Variants in CAMKMT observed in about 807,000 individuals in gnomAD.
CAMKMT encodes CaM KMT.
CAMKMT carries 53 observed loss-of-function variants against 48.0 expected under a neutral mutation model. The ratio of observed to expected loss-of-function variants is 1.10; its 90% CI spans 0.89 to 1.39. CAMKMT has a LOEUF of 1.39. CAMKMT is among the 40% of genes most tolerant of loss of function. The pLI is 0.00. For missense variants in CAMKMT, 428 were observed against 402.7 expected (o/e 1.06, Z -0.54); for synonymous variants, 165 against 152.3 (o/e 1.08, Z -0.61).
intron 3 of CAMKMT, among the ~76,000 whole-genome samples, chr2:44,617,082 T>C (rs956116953): frequency 1.8e-4 from 28 of 152,152 alleles, no homozygotes; most frequent in Non-Finnish European, 3.7e-4. Context: ...ATTAGTGCCT[T>C]ACAAAATAAA....
intron 7 of CAMKMT, among the ~76,000 whole-genome samples, chr2:44,729,616 G>T (rs1470487329): frequency 6.6e-6 from 1 of 152,194 alleles, no homozygotes; most frequent in African/African-American, 2.4e-5. Context: ...CAATGGGAGT[G>T]TCCACTCCCA....
intron 3 of CAMKMT, among the ~76,000 whole-genome samples, chr2:44,440,372 A>C (rs769887495): frequency 4.6e-5 from 7 of 152,124 alleles, no homozygotes; most frequent in Non-Finnish European, 8.8e-5. Context: ...CAACATTCAG[A>C]TTGTCCCCAG....
At chr2:44,592,854 T>A (rs867591839) in intron 3 of CAMKMT, among the ~76,000 whole-genome samples, 11 of 152,308 alleles carry the variant, frequency 7.2e-5, no homozygotes, top group Middle Eastern at 6.8e-3. Context: ...TCTAGCTTGG[T>A]AAAGCTTCAA....
chr2:44,443,245 A>G (rs181086847), intron 3 of CAMKMT, among the ~76,000 whole-genome samples: 74 of 152,220 alleles, frequency 4.9e-4, no homozygotes, highest in Middle Eastern at 3.4e-3. Context: ...GAAATATTTT[A>G]CTCTCAGGGC....
intron 3 of CAMKMT, among the ~76,000 whole-genome samples, chr2:44,617,328 C>A (rs1279068089): frequency 6.6e-6 from 1 of 152,116 alleles, no homozygotes; most frequent in Admixed American, 6.5e-5. Context: ...AATATGATAA[C>A]ACATTTCAAA....
chr2:44,634,046 TTATTTAA>T (rs1672986099), intron 3 of CAMKMT, among the ~76,000 whole-genome samples: 1 of 152,176 alleles, frequency 6.6e-6, no homozygotes, highest in Non-Finnish European at 1.5e-5. Context: ...AATGCCTCTG[TTATTTAA>T]TAATATCTCT....
intron 3 of CAMKMT, among the ~76,000 whole-genome samples, chr2:44,539,067 G>T (rs1046945874): frequency 3.3e-5 from 5 of 151,302 alleles, no homozygotes; most frequent in African/African-American, 1.2e-4. Context: ...ACTTTGGGAG[G>T]CCGAGGTGGG....
intron 3 of CAMKMT, chr2:44,394,803 T>G (rs1469737957): frequency 2.2e-6 from 1 of 452,846 alleles, no homozygotes; most frequent in East Asian, 6.9e-5. Flanking sequence ...TTTGTCTGTT[T>G]GTGATGTATC....
intron 3 of CAMKMT, among the ~76,000 whole-genome samples, chr2:44,486,503 A>G (rs1277535245): frequency 6.6e-6 from 1 of 152,206 alleles, no homozygotes; most frequent in Non-Finnish European, 1.5e-5. Context: ...GAGGTGGTTC[A>G]CGAGATAAAT....
chr2:44,506,696 A>G (rs902121629), intron 3 of CAMKMT, among the ~76,000 whole-genome samples: 1 of 152,218 alleles, frequency 6.6e-6, no homozygotes, highest in East Asian at 1.9e-4. Flanking sequence ...TTCACATAGT[A>G]TAAATATAGT....
chr2:44,440,441 A>T (rs1203702466), intron 3 of CAMKMT, among the ~76,000 whole-genome samples: 2 of 152,146 alleles, frequency 1.3e-5, no homozygotes, highest in African/African-American at 4.8e-5. Flanking sequence ...ACCAGATCCT[A>T]CCTCATAGCA....
chr2:44,492,438 A>G (rs1669554007), intron 3 of CAMKMT, among the ~76,000 whole-genome samples: 1 of 152,196 alleles, frequency 6.6e-6, no homozygotes, highest in Non-Finnish European at 1.5e-5. Flanking sequence ...AGGTTTCTCA[A>G]ATACTCTTAT....
In CAMKMT at chr2:44,445,645, GTTTTTTTTTTTTTTTTTTTTTTTT is replaced by G. The variant is rs869258613; in HGVS notation, c.376+55365_376+55388del. Among the ~76,000 whole-genome samples, 31 of 101,430 alleles carry G rather than the reference GTTTTTTTTTTTTTTTTTTTTTTTT, an allele frequency of 3.1e-4. 2 individuals carry two copies. The highest frequency in any genetic ancestry group is 8.5e-4 in the East Asian group (2 of 2,344). The allele number at this position is 101,430 out of a possible 152,430, so 66.5% of individuals were successfully genotyped here. A position where few individuals can be genotyped will look rare whatever the true frequency, so the allele number is the denominator to read the frequency against. ...AGTCCAACATGTCGGCAAAAGGGTAGTTTTTTTTTTTTTTTTTTTTTTTTTTTTTTTTTTTTTTTTTTTTTTTTA... is the reference window on the plus strand; with the variant it reads ...AGTCCAACATGTCGGCAAAAGGGTAGTTTTTTTTTTTTTTTTTTTTTTTTA... On this transcript the variant is annotated intron_variant, in intron 3 of 10. Coordinates refer to ENST00000378494, the MANE Select transcript of CAMKMT (RefSeq NM_024766.5).
chr2:44,388,974 G>C (rs1371085012), intron 2 of CAMKMT, among the ~76,000 whole-genome samples: 1 of 152,180 alleles, frequency 6.6e-6, no homozygotes, highest in Non-Finnish European at 1.5e-5. Flanking sequence ...CTCTTTTTGT[G>C]CTGGTTGACC....
chr2:44,703,451 C>T (rs1314386369), intron 3 of CAMKMT, among the ~76,000 whole-genome samples: 2 of 152,080 alleles, frequency 1.3e-5, no homozygotes, highest in African/African-American at 4.8e-5. Context: ...ATTTCTTAAT[C>T]TTACACAGCA....
chr2:44,485,880 G>C (rs997999996), intron 3 of CAMKMT, among the ~76,000 whole-genome samples: 1 of 152,252 alleles, frequency 6.6e-6, no homozygotes, highest in Non-Finnish European at 1.5e-5. Flanking sequence ...CTGGGGAAGA[G>C]AGAAAGGGAA....
intron 8 of CAMKMT, among the ~76,000 whole-genome samples, chr2:44,745,245 T>G (rs1045022761): frequency 2.0e-5 from 3 of 152,148 alleles, no homozygotes; most frequent in African/African-American, 4.8e-5. Context: ...GCCAGGAGAT[T>G]TAGAGTTAAA....
intron 3 of CAMKMT, among the ~76,000 whole-genome samples, chr2:44,629,687 A>G (rs557008412): frequency 8.5e-4 from 130 of 152,174 alleles, no homozygotes; most frequent in Middle Eastern, 3.4e-3. Flanking sequence ...CCACCTTACA[A>G]TGGACATGAA....
At chr2:44,594,421 G>C (rs1199950048) in intron 3 of CAMKMT, among the ~76,000 whole-genome samples, 1 of 152,144 alleles carries the variant, frequency 6.6e-6, no homozygotes, top group East Asian at 1.9e-4. Context: ...ACGCTACAAG[G>C]CTGCAGTAAC....
Sources: allele counts gnomAD v4.1 joint callset (sites outside exome capture counted in the v4.1 genomes callset), GRCh38; gene constraint gnomAD v4.1.1; transcripts MANE v1.5; gene names NCBI Gene and HGNC (gene_info 2026-07-23, HGNC 2026-07-21).